The following LRFN5 variants were observed in gnomAD, a reference collection of about 807,000 sequenced individuals.
LRFN5 encodes the protein leucine rich repeat and fibronectin type III domain containing 5.
Under a neutral mutation model 45.6 loss-of-function variants are expected in LRFN5, and 24 were observed. The ratio of observed to expected loss-of-function variants is 0.53; its 90% CI spans 0.38 to 0.74. The LOEUF (loss-of-function observed/expected upper bound fraction) is 0.74. Ranked by LOEUF, LRFN5 falls within the 30% of genes least tolerant of loss-of-function variation. LRFN5 has a pLI of 0.00. For missense variants in LRFN5, 776 were observed against 861.5 expected, an observed-to-expected ratio of 0.90 and a Z score of 1.24; for synonymous variants, 340 against 313.8, an observed-to-expected ratio of 1.08 and a Z score of -0.88.
At chr14:41,621,484 G>GTA (rs1888134787) in intron 1 of LRFN5, among the ~76,000 whole-genome samples, 1 of 152,130 alleles carries the variant, frequency 6.6e-6, no homozygotes, top group African/African-American at 2.4e-5. Flanking sequence ...AATTGGCTAT[G>GTA]TATCAGTCCA....
Position 41,891,767 on chromosome 14 carries a change from T to C in LRFN5, c.1903T>C (p.Ser635Pro). Residue 635 changes from serine to proline, a missense_variant, in exon 4 of 6, where the codon TCA becomes CCA. Ser to Pro is a moderately conservative substitution (Grantham distance 74, BLOSUM62 -1). Transcript: ENST00000298119. ...CTCTGCTTTGCCTCCTTCCTGGACT[T>C]CAAGCACTTCTGTGTCCCAAAAGCA... is the stretch of plus-strand genomic sequence containing the variant. Reference protein sequence around the residue: ...TTSALPPSWTSSTSVSQKQKR... With the variant: ...TTSALPPSWTPSTSVSQKQKR... The C allele has an allele frequency of 6.2e-7, 1 of 1,614,194 alleles. No homozygotes were observed. The highest frequency in any genetic ancestry group is 1.3e-5 in the African/African-American group (1 of 75,056).
chr14:41,900,783 C>T (rs901196877), intron 5 of LRFN5, among the ~76,000 whole-genome samples: 1 of 152,082 alleles, frequency 6.6e-6, no homozygotes, highest in African/African-American at 2.4e-5. Context: ...CCTATGTCTA[C>T]CACTGTGAGA....
At chr14:41,714,309 C>T (rs988812470) in intron 1 of LRFN5, among the ~76,000 whole-genome samples, 1 of 152,104 alleles carries the variant, frequency 6.6e-6, no homozygotes, top group Non-Finnish European at 1.5e-5. Context: ...TCATGCTTCT[C>T]CTCAAGGACT....
intron 2 of LRFN5, among the ~76,000 whole-genome samples, chr14:41,787,327 C>T (rs970271452): frequency 2.7e-4 from 41 of 152,040 alleles, no homozygotes; most frequent in African/African-American, 8.7e-4. Context: ...GTCCACCTAA[C>T]CCAACCAAAC....
At position 41,788,562 on chromosome 14, in the gene LRFN5, A is replaced by AG. The variant is rs1241119501; in HGVS notation, c.-21+21533_-21+21534insG. 2.6e-5 allele frequency among the ~76,000 whole-genome samples: 4 copies of AG among 152,160 alleles called. No homozygotes were observed. The South Asian group carries it at 8.3e-4, about 32-fold the overall frequency. ...ATTTAAAAAATTATGTTTAAAAAAA[A>AG]AAGATGTTCCATCTCCTCTCTCCAG... On this transcript the variant is annotated intron_variant, in intron 2 of 5. Coordinates refer to ENST00000298119, the MANE Select transcript of LRFN5 (RefSeq NM_152447.5).
Position 41,830,599 on chromosome 14 carries a change from G to T in LRFN5, c.-20-56007G>T, listed in dbSNP as rs555084877. ...GAAGAATAAAGAATGAATTATAGGA[G>T]ATGAAGTCCAGAAATAGCACTTGGA... On this transcript the variant is annotated intron_variant, in intron 2 of 5. Transcript: ENST00000298119. Among the ~76,000 whole-genome samples, 92 of 152,288 alleles carry T rather than the reference G, an allele frequency of 6.0e-4. 1 individual carries two copies. In the South Asian group the frequency reaches 0.019, roughly 31 times the overall value.
chr14:41,846,484 C>T (rs557646680), intron 2 of LRFN5, among the ~76,000 whole-genome samples: 2 of 152,056 alleles, frequency 1.3e-5, no homozygotes, highest in East Asian at 3.9e-4. Flanking sequence ...AAAGAGGTCA[C>T]ATGCAAAAAA....
At chr14:41,712,373 G>A (rs921283993) in intron 1 of LRFN5, among the ~76,000 whole-genome samples, 7 of 151,998 alleles carry the variant, frequency 4.6e-5, no homozygotes, top group African/African-American at 1.4e-4. Flanking sequence ...ACCAGCTTAG[G>A]CAACCTAGTG....
chr14:41,860,608 T>C (rs1216871086), intron 2 of LRFN5, among the ~76,000 whole-genome samples: 1 of 152,204 alleles, frequency 6.6e-6, no homozygotes, highest in Non-Finnish European at 1.5e-5. Context: ...TTGCTGAAAC[T>C]GCTATTTAAA....
chr14:41,838,019 A>G (rs1314260320), intron 2 of LRFN5, among the ~76,000 whole-genome samples: 2 of 152,186 alleles, frequency 1.3e-5, no homozygotes, highest in South Asian at 2.1e-4. Context: ...TCTAAAAAGG[A>G]TGTAGACCTG....
rs575978640 is a variant in LRFN5 at position 41,786,198 on chromosome 14, A to G, written c.-21+19169A>G. ...CAATTGCATTTTCAAGAGACAGACA[A>G]TGGGCAAAATAATACCCACAAGATA... On this transcript the variant is annotated intron_variant, in intron 2 of 5. Coordinates refer to ENST00000298119, the MANE Select transcript of LRFN5 (RefSeq NM_152447.5). Among the ~76,000 whole-genome samples the G allele has an allele frequency of 3.3e-5, 5 of 152,176 alleles. No homozygotes were observed. The East Asian group carries it at 7.7e-4, about 24-fold the overall frequency.
chr14:41,848,273 G>A (rs1355702204), intron 2 of LRFN5, among the ~76,000 whole-genome samples: 8 of 151,980 alleles, frequency 5.3e-5, no homozygotes, highest in Non-Finnish European at 7.4e-5. Flanking sequence ...TCTTGGTATC[G>A]TAGAATAAGA....
At chr14:41,805,688 T>C (rs1887502297) in intron 2 of LRFN5, among the ~76,000 whole-genome samples, 1 of 151,682 alleles carries the variant, frequency 6.6e-6, no homozygotes, top group Non-Finnish European at 1.5e-5. Flanking sequence ...ATGGATGAAA[T>C]TGGAAATCAT....
chr14:41,709,028 T>C (rs1328875030), intron 1 of LRFN5, among the ~76,000 whole-genome samples: 1 of 151,972 alleles, frequency 6.6e-6, no homozygotes, highest in African/African-American at 2.4e-5. Context: ...TATTCTAGGT[T>C]TATTTTTCTT....
chr14:41,899,011 C>T (rs773903728), intron 5 of LRFN5, 51 bp downstream of exon 5: 101 of 1,394,388 alleles, frequency 7.2e-5, no homozygotes, highest in Admixed American at 9.2e-5. Flanking sequence ...TGGGTATACA[C>T]TTTTTATAAA....
At chr14:41,897,950 G>A (rs969480119) in intron 4 of LRFN5, among the ~76,000 whole-genome samples, 15 of 151,954 alleles carry the variant, frequency 9.9e-5, no homozygotes, top group African/African-American at 3.6e-4. Context: ...ATAAATATTT[G>A]AGTAAAATCA....
intron 1 of LRFN5, among the ~76,000 whole-genome samples, chr14:41,732,073 T>TA (rs759441744): frequency 3.3e-5 from 5 of 152,190 alleles, no homozygotes; most frequent in African/African-American, 4.8e-5. Context: ...TCTTGAAACT[T>TA]CTGAAAGAAG....
rs59438733 is a variant in LRFN5, at chr14:41,775,093, CT to C, written c.-21+8079del. ...AGATTTGATGCTACTTTTTCTTTTTCTTTTTTTTTTTTTTTGAGACGGAGTC... is the reference window on the plus strand; with the variant it reads ...AGATTTGATGCTACTTTTTCTTTTTCTTTTTTTTTTTTTTGAGACGGAGTC... On this transcript the variant is annotated intron_variant, in intron 2 of 5. Transcript: ENST00000298119. Among the ~76,000 whole-genome samples, 35 of 112,464 alleles carry C rather than the reference CT, an allele frequency of 3.1e-4. 1 individual carries two copies. The highest frequency in any genetic ancestry group is 3.1e-4 in the Non-Finnish European group (18 of 59,008). The allele number at this position is 112,464 out of a possible 152,430, so 73.8% of individuals were successfully genotyped here.
chr14:41,670,469 C>A (rs1333029726), intron 1 of LRFN5, among the ~76,000 whole-genome samples: 1 of 150,550 alleles, frequency 6.6e-6, no homozygotes, highest in African/African-American at 2.4e-5. Flanking sequence ...ATTTAAAAAT[C>A]AATAAATTGA....
Sources: gnomAD v4.1 joint callset for allele counts (sites outside exome capture counted in the v4.1 genomes callset) on GRCh38, gnomAD v4.1.1 for gene constraint, MANE v1.5 for transcripts, NCBI Gene and HGNC (gene_info 2026-07-23, HGNC 2026-07-21) for gene names.